The following LRPPRC variants were observed in gnomAD, a reference collection of about 807,000 sequenced individuals.
The protein encoded by LRPPRC is leucine rich pentatricopeptide repeat containing.
In LRPPRC, 120 loss-of-function variants were observed where a neutral mutation model predicts 180.3. The observed-to-expected ratio is 0.67, with a 90% confidence interval of 0.57 to 0.77. LRPPRC has a LOEUF of 0.77. LRPPRC is among the 30% of genes least tolerant of loss of function. The probability of loss-of-function intolerance (pLI) is 0.00; values close to 1 mark genes in which losing one functional copy is unlikely to be tolerated. For missense variants in LRPPRC, 2,012 were observed against 1,657.2 expected (o/e 1.21, Z -3.72); for synonymous variants, 723 against 600.0 (o/e 1.21, Z -3.00).
intron 21 of LRPPRC, among the ~76,000 whole-genome samples, 153 bp downstream of exon 21, chr2:43,945,958 AAG>A (rs1672665767): frequency 2.0e-5 from 3 of 149,628 alleles, no homozygotes; most frequent in African/African-American, 7.3e-5. Flanking sequence ...CAATTAATTA[AAG>A]AGCCGTATAA....
At chr2:43,992,525 A>G (rs1008300990) in intron 1 of LRPPRC, among the ~76,000 whole-genome samples, 9 of 152,232 alleles carry the variant, frequency 5.9e-5, no homozygotes, top group Non-Finnish European at 1.2e-4. Context: ...TCTGGACCCA[A>G]TGGGAGCCAC....
chr2:43,961,346 G>GT (rs1453971085), intron 12 of LRPPRC, among the ~76,000 whole-genome samples: 6 of 152,138 alleles, frequency 3.9e-5, no homozygotes, highest in African/African-American at 1.4e-4. Flanking sequence ...GCAAAAAGAA[G>GT]TAAGTTTTTA....
chr2:43,933,785 C>G (rs1255593888), intron 25 of LRPPRC, among the ~76,000 whole-genome samples: 1 of 152,182 alleles, frequency 6.6e-6, no homozygotes, highest in Non-Finnish European at 1.5e-5. Flanking sequence ...TGTAGACAAG[C>G]ATTACAAATA....
At chr2:43,897,947 C>T (rs4245797) in intron 34 of LRPPRC, among the ~76,000 whole-genome samples, 83,553 of 151,260 alleles carry the variant, frequency 0.55, 25,257 homozygotes, top group East Asian at 0.96. Flanking sequence ...GGTACTTAGA[C>T]ATGTACATAT....
intron 23 of LRPPRC, among the ~76,000 whole-genome samples, chr2:43,938,863 G>A (rs893100767): frequency 6.6e-6 from 1 of 151,502 alleles, no homozygotes; most frequent in African/African-American, 2.4e-5. Context: ...ATACAATCTG[G>A]AATTGTTAAA....
intron 11 of LRPPRC, among the ~76,000 whole-genome samples, chr2:43,968,123 T>A (rs761010802): frequency 6.6e-6 from 1 of 152,152 alleles, no homozygotes; most frequent in Non-Finnish European, 1.5e-5. Context: ...CTTTGGACTT[T>A]AAAGACCCAG....
chr2:43,929,605 A>G (rs978154909), intron 25 of LRPPRC, among the ~76,000 whole-genome samples: 3 of 152,186 alleles, frequency 2.0e-5, no homozygotes, highest in Non-Finnish European at 2.9e-5. Flanking sequence ...TTTACTGAAG[A>G]AAAACCTACA....
chr2:43,974,792 TAG>T (rs767666471), intron 7 of LRPPRC, 34 bp from the exon 8 acceptor site: 18 of 1,602,294 alleles, frequency 1.1e-5, no homozygotes, highest in Middle Eastern at 1.7e-4. Context: ...AAGACAAAGT[TAG>T]AGTGTTTTTA....
chr2:43,961,051 A>G (rs977233905), intron 12 of LRPPRC, among the ~76,000 whole-genome samples: 19 of 152,220 alleles, frequency 1.2e-4, no homozygotes, highest in Admixed American at 1.3e-4. Flanking sequence ...TAAATATATG[A>G]GTCAAAATTT....
chr2:43,934,333 A>G (rs1321094667), intron 24 of LRPPRC, 37 bp from the exon 25 acceptor site: 1 of 991,592 alleles, frequency 1.0e-6, no homozygotes, highest in Admixed American at 2.0e-5. Context: ...TATTAGGAGA[A>G]AAAAAAACCC....
chr2:43,917,203 G>C (rs1173664343), intron 29 of LRPPRC, among the ~76,000 whole-genome samples: 2 of 151,626 alleles, frequency 1.3e-5, no homozygotes, highest in Non-Finnish European at 2.9e-5. Context: ...AACATGCCCG[G>C]CTAATTTTGG....
intron 30 of LRPPRC, among the ~76,000 whole-genome samples, chr2:43,907,495 C>T (rs1243630521): frequency 3.3e-5 from 5 of 152,170 alleles, no homozygotes; most frequent in Admixed American, 3.3e-4. Flanking sequence ...ATCAAACTTC[C>T]TGTGATGATG....
chr2:43,901,294 G>A lies in LRPPRC; in HGVS notation c.3569+26C>T, dbSNP rs540653603. On this transcript the variant is annotated intron_variant, in intron 32 of 37. Transcript: ENST00000260665. ...AATGCCCATTCTAGTGACCAATGAA[G>A]GAAAAGAAGGCTTGCAAATACTCAC... The A allele has an allele frequency of 3.8e-6, 6 of 1,593,342 alleles. No homozygotes were observed. The South Asian group carries it at 5.5e-5, about 15-fold the overall frequency.
In LRPPRC at chr2:43,948,169, C is replaced by T. The variant is rs1672762119; in HGVS notation, c.1873G>A (p.Gly625Ser). The change falls in exon 18 of 38, where the codon GGC becomes AGC. Residue 625 changes from glycine to serine, a missense_variant. Gly to Ser is a moderately conservative substitution (Grantham distance 56). Transcript: ENST00000260665. ...TAGCTTTCCAGGAGATTACGAATGC[C>T]TCTGTAGATATTTTCAGGAATTTTT... is the stretch of plus-strand genomic sequence containing the variant. ...NVKIPENIYR[G>S]IRNLLESYHV... 1.2e-6 allele frequency: 2 copies of T among 1,607,528 alleles called. No individual in the cohort carries two copies. Among genetic ancestry groups the T allele is most frequent in the Non-Finnish European group, 1.7e-6 (2 of 1,174,258 alleles).
chr2:43,915,467 C>T (rs1002623930), intron 29 of LRPPRC, among the ~76,000 whole-genome samples: 6 of 151,914 alleles, frequency 3.9e-5, no homozygotes, highest in Non-Finnish European at 5.9e-5. Context: ...GGGCAGATCA[C>T]GAAGTCAGGA....
chr2:43,971,474 C>T lies in LRPPRC; in HGVS notation c.1369+2133G>A, dbSNP rs569557515. Among the ~76,000 whole-genome samples, 106 of 29,412 alleles carry T rather than the reference C, an allele frequency of 3.6e-3. No individual in the cohort carries two copies. The Middle Eastern group carries it at 0.094, about 26-fold the overall frequency. 19.3% of individuals were successfully genotyped at this position (29,412 alleles called of 152,430 possible). On this transcript the variant is annotated intron_variant, in intron 11 of 37. Transcript: ENST00000260665. ...CACATGCCCTCAGGACCTCCTGAGG[C>T]TGTGTCACAGTAAAAAAAAAAAAAA... is the stretch of plus-strand genomic sequence containing the variant.
At chr2:43,894,330 A>C (rs75704735) in intron 36 of LRPPRC, among the ~76,000 whole-genome samples, 28 of 152,314 alleles carry the variant, frequency 1.8e-4, no homozygotes, top group African/African-American at 6.5e-4. Flanking sequence ...TTTAATGTTA[A>C]AGTTATATGC....
At chr2:43,949,492 A>G (rs145237902) in intron 16 of LRPPRC, 110 bp downstream of exon 16, 4 of 790,044 alleles carry the variant, frequency 5.1e-6, no homozygotes, top group African/African-American at 1.7e-5. Context: ...AAATGTTTTC[A>G]AATTCCACTT....
chr2:43,889,881 C>G lies in LRPPRC; in HGVS notation c.3986-5G>C, dbSNP rs1558884964. On this transcript the variant is annotated splice_polypyrimidine_tract_variant and splice_region_variant and intron_variant, in intron 36 of 37. Coordinates refer to ENST00000260665, the MANE Select transcript of LRPPRC (RefSeq NM_133259.4). The stretch of plus-strand genomic sequence containing the variant: ...ATGTGACATCTTTCTCTGAGACTGA[C>G]ATAAAGAAAAAAATATATTAATCAG... 1.9e-6 allele frequency: 3 copies of G among 1,598,738 alleles called. No individual in the cohort carries two copies. Among genetic ancestry groups the G allele is most frequent in the Non-Finnish European group, 2.6e-6 (3 of 1,166,230 alleles).
Sources: gnomAD v4.1 joint callset for allele counts (sites outside exome capture counted in the v4.1 genomes callset) on GRCh38, gnomAD v4.1.1 for gene constraint, MANE v1.5 for transcripts, NCBI Gene and HGNC (gene_info 2026-07-23, HGNC 2026-07-21) for gene names.